VIT: variants seen among roughly 807,000 people sequenced by gnomAD.
VIT encodes the protein vitrin.
Under a neutral mutation model 78.0 loss-of-function variants are expected in VIT, and 99 were observed. The observed-to-expected ratio is 1.27, with a 90% CI of 1.08 to 1.50. The LOEUF (loss-of-function observed/expected upper bound fraction) is 1.50. Among genes scored for constraint, VIT ranks in the 40% most tolerant of loss-of-function variants. VIT has a pLI of 0.00. For synonymous variants in VIT, 374 were observed against 334.3 expected (o/e 1.12, Z -1.29); for missense variants, 1,126 against 875.3 (o/e 1.29, Z -3.61).
At position 36,721,718 on chromosome 2, in the gene VIT, G is replaced by A. The variant is rs186433448; in HGVS notation, c.52+5296G>A. 8.4e-4 allele frequency among the ~76,000 whole-genome samples: 127 copies of A among 151,160 alleles called. No individual in the cohort carries two copies. The East Asian group carries it at 0.025, about 29-fold the overall frequency. ...GGCACTGAACTTCTGATTTCCCTGG[G>A]GAATGCATCATTTCTCACCTACAAG... On this transcript the variant is annotated intron_variant, in intron 2 of 15. Transcript: ENST00000379242.
At chr2:36,805,799 G>A in intron 14 of VIT, 135 bp downstream of exon 14, 1 of 937,652 alleles carries the variant, frequency 1.1e-6, no homozygotes, top group Non-Finnish European at 1.6e-6. Context: ...CCTCCAGGGA[G>A]GGACTGGTCA....
chr2:36,741,431 G>C (rs1667828513), intron 3 of VIT, among the ~76,000 whole-genome samples: 1 of 152,248 alleles, frequency 6.6e-6, no homozygotes, highest in Admixed American at 6.5e-5. Context: ...TCAACCCCTC[G>C]GTTCCCAGCA....
chr2:36,770,993 C>T (rs1157558824), intron 7 of VIT, among the ~76,000 whole-genome samples: 2 of 152,214 alleles, frequency 1.3e-5, no homozygotes, highest in Non-Finnish European at 2.9e-5. Flanking sequence ...AAATTTGAGG[C>T]AGGAAGAGAG....
At chr2:36,813,248 G>A (rs1181063819) in intron 15 of VIT, among the ~76,000 whole-genome samples, 2 of 151,708 alleles carry the variant, frequency 1.3e-5, no homozygotes, top group Non-Finnish European at 2.9e-5. Flanking sequence ...TCAGGAGTTC[G>A]AGACCAGCCT....
chr2:36,742,542 C>T (rs1667896318), intron 3 of VIT, among the ~76,000 whole-genome samples: 1 of 152,160 alleles, frequency 6.6e-6, no homozygotes, highest in South Asian at 2.1e-4. Flanking sequence ...TCATTGCCTT[C>T]CACATCCTAC....
intron 14 of VIT, among the ~76,000 whole-genome samples, chr2:36,805,883 G>A (rs1020350096): frequency 6.6e-6 from 1 of 152,198 alleles, no homozygotes; most frequent in South Asian, 2.1e-4. Context: ...CAGTGTACTC[G>A]AATTCTCAGC....
intron 1 of VIT, among the ~76,000 whole-genome samples, chr2:36,707,093 C>A (rs1665475274): frequency 6.6e-6 from 1 of 152,114 alleles, no homozygotes; most frequent in South Asian, 2.1e-4. Context: ...ATTATTATAG[C>A]CTTCTCTAGT....
chr2:36,801,187 A>G (rs2148665099), intron 12 of VIT, 114 bp from the exon 13 acceptor site: 1 of 952,344 alleles, frequency 1.1e-6, no homozygotes, highest in Non-Finnish European at 1.7e-6. Flanking sequence ...AAGGCATAGC[A>G]GAAGGCTTTG....
intron 1 of VIT, among the ~76,000 whole-genome samples, chr2:36,699,584 T>TTATATATATATA (rs60414565): frequency 2.8e-3 from 232 of 83,622 alleles, no homozygotes; most frequent in South Asian, 0.026. Context: ...TTAGAGGAGA[T>TTATATATATATA]TATAGATATA....
chr2:36,720,313 A>G (rs1273474646), intron 2 of VIT, among the ~76,000 whole-genome samples: 21 of 152,218 alleles, frequency 1.4e-4, no homozygotes, highest in Admixed American at 1.4e-3. Context: ...ATGAAACAAA[A>G]TAAAGAGCCC....
chr2:36,775,084 T>G lies in VIT; in HGVS notation c.802+17T>G. 1.2e-6 allele frequency: 2 copies of G among 1,613,186 alleles called. No individual in the cohort carries two copies. Among genetic ancestry groups the G allele is most frequent in the South Asian group, 2.2e-5 (2 of 90,896 alleles). On this transcript the variant is annotated intron_variant, in intron 9 of 15. Transcript: ENST00000379242. ...TCAGCCTGGGTAAGCTGCCCACTGC[T>G]TACCATCTCTGCTCCCTAGGAATTT...
At chr2:36,734,901 C>T (rs990833684) in intron 3 of VIT, among the ~76,000 whole-genome samples, 4 of 152,154 alleles carry the variant, frequency 2.6e-5, no homozygotes, top group African/African-American at 4.8e-5. Context: ...AGGCTGGGCA[C>T]GCCTATAATC....
intron 4 of VIT, among the ~76,000 whole-genome samples, chr2:36,744,322 C>A (rs1218829394): frequency 6.6e-6 from 1 of 152,212 alleles, no homozygotes; most frequent in African/African-American, 2.4e-5. Flanking sequence ...TTGGTATATA[C>A]CCAGCAATGG....
intron 1 of VIT, among the ~76,000 whole-genome samples, chr2:36,712,868 A>C (rs1665892639): frequency 6.6e-6 from 1 of 152,210 alleles, no homozygotes; most frequent in Admixed American, 6.5e-5. Flanking sequence ...ATAATTCAGT[A>C]GTTTCTAATG....
intron 4 of VIT, among the ~76,000 whole-genome samples, chr2:36,745,981 A>G (rs1191873781): frequency 6.6e-6 from 1 of 152,032 alleles, no homozygotes; most frequent in Non-Finnish European, 1.5e-5. Context: ...TTATGTTCCT[A>G]TAATATCTAG....
intron 6 of VIT, among the ~76,000 whole-genome samples, chr2:36,760,565 G>A (rs1313478709): frequency 2.6e-5 from 4 of 152,112 alleles, no homozygotes; most frequent in African/African-American, 4.8e-5. Context: ...TTTTGACCTG[G>A]GCACAGAGAC....
intron 2 of VIT, among the ~76,000 whole-genome samples, chr2:36,727,708 G>A (rs114702577): frequency 7.9e-5 from 12 of 152,136 alleles, no homozygotes; most frequent in African/African-American, 2.7e-4. Flanking sequence ...GTCAACAGCC[G>A]CCTGTAAGAT....
intron 3 of VIT, among the ~76,000 whole-genome samples, chr2:36,732,748 T>A (rs1667285316): frequency 6.6e-6 from 1 of 152,058 alleles, no homozygotes; most frequent in Non-Finnish European, 1.5e-5. Flanking sequence ...CAACAGGCAA[T>A]GATAATGTCC....
At chr2:36,753,003 T>A (rs1017503321) in intron 4 of VIT, among the ~76,000 whole-genome samples, 2 of 152,186 alleles carry the variant, frequency 1.3e-5, no homozygotes, top group African/African-American at 4.8e-5. Context: ...ATGGTACATA[T>A]ACACCATGGA....
Sources: gnomAD v4.1 joint callset for allele counts (sites outside exome capture counted in the v4.1 genomes callset) on GRCh38, gnomAD v4.1.1 for gene constraint, MANE v1.5 for transcripts, NCBI Gene and HGNC (gene_info 2026-07-23, HGNC 2026-07-21) for gene names.